Variants in TPTE observed in about 807,000 individuals in gnomAD.
TPTE encodes transmembrane phosphatase with tensin homology, also known as putative tyrosine-protein phosphatase TPTE.
In TPTE, 59 loss-of-function variants were observed where a neutral mutation model predicts 84.1. The observed-to-expected ratio is 0.70, with a 90% CI of 0.57 to 0.87. The LOEUF (loss-of-function observed/expected upper bound fraction) is 0.87, where lower values mean the gene tolerates loss of function less well. Ranked by LOEUF, TPTE falls within the 40% of genes least tolerant of loss-of-function variation. TPTE has a pLI of 0.00. For missense variants in TPTE, 382 were observed against 659.6 expected (o/e 0.58, Z 4.61); for synonymous variants, 130 against 223.5 (o/e 0.58, Z 3.73).
At chr21:10,598,740 T>C (rs1228721467) in intron 21 of TPTE, among the ~76,000 whole-genome samples, 1 of 152,312 alleles carries the variant, frequency 6.6e-6, no homozygotes, top group African/African-American at 2.4e-5. Flanking sequence ...CCTAAAACTA[T>C]ATACCTTTTC....
At chr21:10,556,631 A>G (rs1204466608) in intron 8 of TPTE, among the ~76,000 whole-genome samples, 1 of 152,306 alleles carries the variant, frequency 6.6e-6, no homozygotes, top group Admixed American at 6.5e-5. Context: ...GTCTTCCACA[A>G]TGGTTGAACT....
intron 17 of TPTE, among the ~76,000 whole-genome samples, chr21:10,582,534 G>T (rs1273156469): frequency 6.6e-6 from 1 of 152,308 alleles, no homozygotes; most frequent in Admixed American, 6.5e-5. Flanking sequence ...AGATTAACTT[G>T]AGAGAAGTGA....
In TPTE at chr21:10,561,032, T is replaced by C; in HGVS notation, c.287T>C (p.Leu96Pro). 1 of 1,610,864 alleles carries C rather than the reference T, an allele frequency of 6.2e-7. No individual in the cohort carries two copies. Among genetic ancestry groups the C allele is most frequent in the Non-Finnish European group, 8.5e-7 (1 of 1,179,474 alleles). Residue 96 changes from leucine to proline, a missense_variant and splice_region_variant, in exon 10 of 24, where the codon CTA (leucine) becomes CCA (proline). By Grantham distance (98) the Leu-to-Pro change is moderately conservative. Transcript: ENST00000618007. ...HSIVSSFAFG[L>P]FGVFLVLLDV... ...ATTTATTTATTTGTTTATTTTAGAC[T>C]ATTTGGAGTTTTCCTGGTCTTACTG... is the stretch of plus-strand genomic sequence containing the variant.
chr21:10,542,496 A>G lies in TPTE; in HGVS notation c.119+48A>G, dbSNP rs2074387640. The stretch of plus-strand genomic sequence containing the variant: ...CACCCGTCAGCATAAGTGTGCATAG[A>G]ACTATACACACACAGGCACATGAGC... On this transcript the variant is annotated intron_variant, in intron 6 of 23. Transcript: ENST00000618007. The G allele has an allele frequency of 4.4e-6, 7 of 1,598,906 alleles. No homozygotes were observed. The South Asian group carries it at 7.7e-5, about 18-fold the overall frequency.
chr21:10,554,983 C>T lies in TPTE; in HGVS notation c.233+2267C>T, dbSNP rs1450089237. 2.6e-5 allele frequency among the ~76,000 whole-genome samples: 4 copies of T among 152,308 alleles called. No individual in the cohort carries two copies. The South Asian group carries it at 8.3e-4, about 31-fold the overall frequency. On this transcript the variant is annotated intron_variant, in intron 8 of 23. Transcript: ENST00000618007. ...CTTTGCATCATGGCCACCTCCCTACCCCCAGAGTCTGCACAAGAGAAAAAT... is the reference window on the plus strand; with the variant it reads ...CTTTGCATCATGGCCACCTCCCTACTCCCAGAGTCTGCACAAGAGAAAAAT...
chr21:10,531,010 TGTC>T (rs1337523650), intron 3 of TPTE, among the ~76,000 whole-genome samples: 1 of 152,310 alleles, frequency 6.6e-6, no homozygotes, highest in East Asian at 1.9e-4. Context: ...TTCCTATCTT[TGTC>T]TTGTTAATTT....
chr21:10,590,581 A>C, intron 18 of TPTE, 58 bp downstream of exon 18: 1 of 1,609,542 alleles, frequency 6.2e-7, no homozygotes, highest in Non-Finnish European at 8.5e-7. Context: ...TAGTTCTGAA[A>C]CATCACTGGC....
intron 14 of TPTE, among the ~76,000 whole-genome samples, chr21:10,573,497 T>G (rs1422900707): frequency 2.6e-5 from 4 of 152,306 alleles, no homozygotes; most frequent in African/African-American, 9.6e-5. Flanking sequence ...GAATAAGTTC[T>G]GGTGTTCTGT....
chr21:10,563,293 C>T (rs1242783665), intron 10 of TPTE, among the ~76,000 whole-genome samples: 1 of 152,302 alleles, frequency 6.6e-6, no homozygotes, highest in Non-Finnish European at 1.5e-5. Flanking sequence ...CATTAATGAG[C>T]AATAAGTAAC....
intron 19 of TPTE, among the ~76,000 whole-genome samples, chr21:10,593,093 G>T (rs1175231580): frequency 6.6e-6 from 1 of 152,308 alleles, no homozygotes; most frequent in African/African-American, 2.4e-5. Flanking sequence ...TGCTGCAACA[G>T]TATTTCAGCT....
intron 3 of TPTE, among the ~76,000 whole-genome samples, chr21:10,529,770 T>C (rs1329492446): frequency 6.6e-6 from 1 of 152,306 alleles, no homozygotes; most frequent in Non-Finnish European, 1.5e-5. Context: ...TTAATATCCA[T>C]GTTGGGGGGA....
intron 19 of TPTE, among the ~76,000 whole-genome samples, chr21:10,594,264 AGTCC>A (rs2075539845): frequency 6.6e-6 from 1 of 152,310 alleles, no homozygotes. Context: ...CTTTTCCTAG[AGTCC>A]CTTTCCCTTC....
chr21:10,589,307 G>C (rs2075421595), intron 17 of TPTE, among the ~76,000 whole-genome samples: 1 of 152,296 alleles, frequency 6.6e-6, no homozygotes, highest in South Asian at 2.1e-4. Flanking sequence ...TTTTATATTG[G>C]GTGTGTGGTT....
At chr21:10,560,770 G>A (rs1212315176) in intron 9 of TPTE, among the ~76,000 whole-genome samples, 3 of 152,430 alleles carry the variant, frequency 2.0e-5, no homozygotes, top group African/African-American at 7.2e-5. Flanking sequence ...CTCTTGAGGT[G>A]TTGGTCTGAT....
chr21:10,597,707 G>T (rs1276225753), intron 20 of TPTE, among the ~76,000 whole-genome samples: 65 of 152,250 alleles, frequency 4.3e-4, no homozygotes, highest in Non-Finnish European at 6.8e-4. Context: ...GAGCCACCAT[G>T]CCTGGCCTAG....
At chr21:10,573,617 T>G (rs941658306) in intron 14 of TPTE, among the ~76,000 whole-genome samples, 1 of 152,280 alleles carries the variant, frequency 6.6e-6, no homozygotes, top group African/African-American at 2.4e-5. Flanking sequence ...GTGATAGATA[T>G]GCTGATTATC....
At chr21:10,546,133 C>A (rs1360525575) in intron 7 of TPTE, among the ~76,000 whole-genome samples, 1 of 152,304 alleles carries the variant, frequency 6.6e-6, no homozygotes, top group African/African-American at 2.4e-5. Context: ...ATTTTTCCAA[C>A]AGCGTGTTCT....
At chr21:10,523,108 G>A (rs1342816457) in intron 1 of TPTE, among the ~76,000 whole-genome samples, 2 of 152,412 alleles carry the variant, frequency 1.3e-5, no homozygotes, top group East Asian at 3.8e-4. Flanking sequence ...CACAAAGGAA[G>A]CTGAACACTT....
rs1281634864 is a variant in TPTE at position 10,555,010 on chromosome 21, T to C, written c.233+2294T>C. Among the ~76,000 whole-genome samples the C allele has an allele frequency of 3.3e-5, 5 of 152,300 alleles. No homozygotes were observed. In the East Asian group the frequency reaches 5.8e-4, roughly 18 times the overall value. On this transcript the variant is annotated intron_variant, in intron 8 of 23. Transcript: ENST00000618007. ...CCAGAGTCTGCACAAGAGAAAAATG[T>C]GTCCAGTGGGAGAGATAGCACCTGC... is the stretch of plus-strand genomic sequence containing the variant.
Sources: gnomAD v4.1 joint callset for allele counts (sites outside exome capture counted in the v4.1 genomes callset) on GRCh38, gnomAD v4.1.1 for gene constraint, MANE v1.5 for transcripts, NCBI Gene and HGNC (gene_info 2026-07-23, HGNC 2026-07-21) for gene names.